The following TMEM178A variants were observed in gnomAD, a reference collection of about 807,000 sequenced individuals.
TMEM178A encodes transmembrane protein 178A, also known as transmembrane protein 178.
A neutral mutation model predicts 29.1 loss-of-function variants in TMEM178A; 12 were observed. The ratio of observed to expected loss-of-function variants is 0.41; its 90% CI spans 0.26 to 0.67. The LOEUF (loss-of-function observed/expected upper bound fraction) is 0.67, where lower values mean the gene tolerates loss of function less well. TMEM178A is among the 30% of genes least tolerant of loss of function. TMEM178A has a pLI of 0.29. For missense variants in TMEM178A, 366 were observed against 419.1 expected, an observed-to-expected ratio of 0.87 and a Z score of 1.11; for synonymous variants, 210 against 187.2, an observed-to-expected ratio of 1.12 and a Z score of -0.99.
At chr2:39,703,942 G>T in intron 1 of TMEM178A, 139 bp from the exon 2 acceptor site, 1 of 629,750 alleles carries the variant, frequency 1.6e-6, no homozygotes, top group Admixed American at 2.9e-5. Flanking sequence ...TTATGTTTTA[G>T]GTTTTTATTG....
At chr2:39,688,317 G>C (rs1671166864) in intron 1 of TMEM178A, among the ~76,000 whole-genome samples, 1 of 152,194 alleles carries the variant, frequency 6.6e-6, no homozygotes, top group African/African-American at 2.4e-5. Flanking sequence ...TGCTTATCTG[G>C]CTGCAGACTT....
At chr2:39,705,867 A>T (rs1283494382) in intron 2 of TMEM178A, among the ~76,000 whole-genome samples, 1 of 152,216 alleles carries the variant, frequency 6.6e-6, no homozygotes, top group Admixed American at 6.5e-5. Flanking sequence ...TGGATGATCC[A>T]CGTGCATTTG....
intron 1 of TMEM178A, among the ~76,000 whole-genome samples, chr2:39,669,368 TGA>T (rs1197838818): frequency 1.3e-5 from 2 of 152,222 alleles, no homozygotes; most frequent in East Asian, 3.8e-4. Flanking sequence ...GATATATTTC[TGA>T]GAGATGTACA....
intron 1 of TMEM178A, among the ~76,000 whole-genome samples, chr2:39,703,441 C>G (rs926215086): frequency 6.6e-6 from 1 of 152,114 alleles, no homozygotes; most frequent in African/African-American, 2.4e-5. Context: ...AATATTGTGC[C>G]TAGGGCTGGC....
At chr2:39,735,415 C>T in the TMEM178A span, among the ~76,000 whole-genome samples, 1 of 152,302 alleles carries the variant, frequency 6.6e-6, no homozygotes, top group South Asian at 2.1e-4. Context: ...CTACCAAAAG[C>T]AGATAGCCCG....
chr2:39,669,339 C>A (rs560954724), intron 1 of TMEM178A, among the ~76,000 whole-genome samples: 2 of 152,238 alleles, frequency 1.3e-5, no homozygotes, highest in East Asian at 3.9e-4. Context: ...TTTCCTATTA[C>A]TGGAGGCAAG....
At position 39,685,537 on chromosome 2, in the gene TMEM178A, G is replaced by C. The variant is rs115681198; in HGVS notation, c.401-18544G>C. Among the ~76,000 whole-genome samples, 214 of 152,270 alleles carry C rather than the reference G, an allele frequency of 1.4e-3. 3 individuals carry two copies. The highest frequency in any genetic ancestry group is 5.0e-3 in the African/African-American group (208 of 41,538). On this transcript the variant is annotated intron_variant, in intron 1 of 3. Coordinates refer to ENST00000281961, the MANE Select transcript of TMEM178A (RefSeq NM_152390.3). The stretch of plus-strand genomic sequence containing the variant: ...TTGTTTTCATTCATTTTATAGGTAG[G>C]ATTGAACTGAGTGAAAATTACAAGG...
chr2:39,671,508 A>G (rs1234990267), intron 1 of TMEM178A, among the ~76,000 whole-genome samples: 1 of 152,126 alleles, frequency 6.6e-6, no homozygotes, highest in Non-Finnish European at 1.5e-5. Context: ...GGTAAAAGGG[A>G]TTCCTCAGTT....
chr2:39,732,140 T>G, the TMEM178A span, among the ~76,000 whole-genome samples: 21 of 152,334 alleles, frequency 1.4e-4, no homozygotes, highest in Admixed American at 9.2e-4. Flanking sequence ...GTGTATAATG[T>G]GGACTACTCC....
intron 1 of TMEM178A, among the ~76,000 whole-genome samples, chr2:39,679,415 G>A (rs975956830): frequency 6.6e-6 from 1 of 152,094 alleles, no homozygotes; most frequent in African/African-American, 2.4e-5. Flanking sequence ...AGTAGTAATA[G>A]TGGTAGATGG....
At chr2:39,686,814 G>A (rs1395391201) in intron 1 of TMEM178A, among the ~76,000 whole-genome samples, 6 of 152,182 alleles carry the variant, frequency 3.9e-5, no homozygotes, top group Non-Finnish European at 5.9e-5. Flanking sequence ...TGATTTAAGG[G>A]ATGCTTAGGA....
At chr2:39,686,962 CATGTGTGTGTGTGTGTGTGTGT>C (rs1334991207) in intron 1 of TMEM178A, among the ~76,000 whole-genome samples, 10 of 100,400 alleles carry the variant, frequency 1.0e-4, no homozygotes, top group African/African-American at 3.4e-4. Flanking sequence ...TGCACATATG[CATGTGTGTGTGTGTGTGTGTGT>C]GTGTGTGTGT....
At chr2:39,734,869 C>T in the TMEM178A span, among the ~76,000 whole-genome samples, 1 of 152,190 alleles carries the variant, frequency 6.6e-6, no homozygotes, top group South Asian at 2.1e-4. Flanking sequence ...ACATCTAACA[C>T]ATCAGTACAT....
At chr2:39,720,851 G>A (rs1024363652), downstream of TMEM178A, among the ~76,000 whole-genome samples, 12 of 152,162 alleles carry the variant, frequency 7.9e-5, no homozygotes, top group Non-Finnish European at 1.3e-4. Flanking sequence ...ATATAGCTTG[G>A]CAAGCAAGGA....
At chr2:39,673,306 A>G (rs1670480503) in intron 1 of TMEM178A, among the ~76,000 whole-genome samples, 1 of 152,208 alleles carries the variant, frequency 6.6e-6, no homozygotes, top group Non-Finnish European at 1.5e-5. Context: ...CCCAACAGTA[A>G]TGTCATGGGG....
intron 1 of TMEM178A, among the ~76,000 whole-genome samples, chr2:39,692,478 T>C (rs1336929932): frequency 6.6e-6 from 1 of 152,208 alleles, no homozygotes; most frequent in Non-Finnish European, 1.5e-5. Context: ...GTAGATTTTA[T>C]ATTATGTGTA....
chr2:39,709,172 G>A (rs1300818519), intron 3 of TMEM178A, among the ~76,000 whole-genome samples: 1 of 152,214 alleles, frequency 6.6e-6, no homozygotes. Flanking sequence ...GAGCGTTGAC[G>A]GGTAGGGGGT....
chr2:39,727,055 A>G, the TMEM178A span, among the ~76,000 whole-genome samples: 4 of 152,148 alleles, frequency 2.6e-5, no homozygotes, highest in Non-Finnish European at 5.9e-5. Context: ...TTTTTCTCTC[A>G]AATGTTTTCC....
intron 1 of TMEM178A, among the ~76,000 whole-genome samples, chr2:39,687,881 A>G (rs932644798): frequency 6.6e-6 from 1 of 152,254 alleles, no homozygotes; most frequent in African/African-American, 2.4e-5. Context: ...TTAGATATCT[A>G]AGAACTGATT....
Sources: allele counts gnomAD v4.1 joint callset (sites outside exome capture counted in the v4.1 genomes callset), GRCh38; gene constraint gnomAD v4.1.1; transcripts MANE v1.5; gene names NCBI Gene and HGNC (gene_info 2026-07-23, HGNC 2026-07-21).